PHF13: variants seen among roughly 807,000 people sequenced by gnomAD.
The protein encoded by PHF13 is PHD finger protein 13, also known as PHD zinc finger protein PHF5.
Under a neutral mutation model 25.8 loss-of-function variants are expected in PHF13, and 1 was observed. That is an observed-to-expected ratio of 0.04 (90% CI 0.01 to 0.18). The LOEUF (loss-of-function observed/expected upper bound fraction) is 0.18. Ranked by LOEUF, PHF13 falls within the 10% of genes least tolerant of loss-of-function variation. The pLI is 1.00. For synonymous variants in PHF13, 195 were observed against 162.4 expected (o/e 1.20, Z -1.53); for missense variants, 306 against 403.2 (o/e 0.76, Z 2.06).
chr1:6,615,137 G>T (rs1455880964), intron 1 of PHF13, among the ~76,000 whole-genome samples: 2 of 151,402 alleles, frequency 1.3e-5, no homozygotes, highest in Non-Finnish European at 3.0e-5. Context: ...GGCCGGGGGG[G>T]CGGGCGGCGT....
Position 6,621,741 on chromosome 1 carries a change from G to T in PHF13, c.*104G>T, listed in dbSNP as rs1338103310. On this transcript the variant is annotated 3_prime_UTR_variant, in exon 4 of 4. Coordinates refer to ENST00000377648, the MANE Select transcript of PHF13 (RefSeq NM_153812.3). The surrounding 1 kb of genome is among the most constrained non-coding windows in gnomAD (Gnocchi z 4.8). ...AGAACCCTCAGCTCTGGTGCGGGCA[G>T]ATCCCTGCCATTTAGGTGCCTAAGC... 2 of 1,157,140 alleles carry T rather than the reference G, an allele frequency of 1.7e-6. No individual in the cohort carries two copies. Among genetic ancestry groups the T allele is most frequent in the African/African-American group, 1.5e-5 (1 of 65,466 alleles). The allele number at this position is 1,157,140 out of a possible 1,614,324, so 71.7% of individuals were successfully genotyped here.
At chr1:6,614,341 T>G in intron 1 of PHF13, 12 of 476,224 alleles carry the variant, frequency 2.5e-5, no homozygotes, top group Admixed American at 8.7e-5. Flanking sequence ...CCCGCGCCCT[T>G]TCCCCAGGGC....
chr1:6,615,177 A>C (rs1363636117), intron 1 of PHF13, among the ~76,000 whole-genome samples: 1 of 151,452 alleles, frequency 6.6e-6, no homozygotes, highest in East Asian at 2.0e-4. Context: ...TGGAACCCCC[A>C]GTCCCCGCGC....
In PHF13 at chr1:6,621,836, G is replaced by GC. The variant is rs1641344714; in HGVS notation, c.*200dup. ...CCGAATGCGACCTTTGCCAGCCAGA[G>GC]CTGCTGCCAGAGCTGCGTTCCCTGC... On this transcript the variant is annotated 3_prime_UTR_variant, in exon 4 of 4. Transcript: ENST00000377648. The surrounding 1 kb of genome is among the most constrained non-coding windows in gnomAD (Gnocchi z 4.8). 1.6e-6 allele frequency: 1 copy of GC among 622,188 alleles called. No homozygotes were observed. The highest frequency in any genetic ancestry group is 2.8e-5 in the East Asian group (1 of 35,832). 38.5% of individuals were successfully genotyped at this position (622,188 alleles called of 1,614,324 possible). A position where few individuals can be genotyped will look rare whatever the true frequency, so the allele number is the denominator to read the frequency against.
In PHF13 at chr1:6,622,717, T is replaced by A. The variant is rs1232253383; in HGVS notation, c.*1080T>A. On this transcript the variant is annotated 3_prime_UTR_variant, in exon 4 of 4. Coordinates refer to ENST00000377648, the MANE Select transcript of PHF13 (RefSeq NM_153812.3). ...TTTCTGTTTTGAGTTGGTGAGTGAG[T>A]GATAGGGTAACATGGGCCTTCAGGA... is the stretch of plus-strand genomic sequence containing the variant. 5.3e-5 allele frequency: 8 copies of A among 151,712 alleles called. No individual in the cohort carries two copies. Among genetic ancestry groups the A allele is most frequent in the Non-Finnish European group, 1.2e-4 (8 of 67,994 alleles). The allele number at this position is 151,712 out of a possible 1,614,324, so 9.4% of individuals were successfully genotyped here.
At chr1:6,615,764 G>A (rs1338588292) in intron 1 of PHF13, among the ~76,000 whole-genome samples, 1 of 152,206 alleles carries the variant, frequency 6.6e-6, no homozygotes, top group African/African-American at 2.4e-5. Flanking sequence ...TGTGATGGGT[G>A]TTTCTAGATG....
chr1:6,620,303 C>T lies in PHF13; in HGVS notation c.642C>T (p.Ser214=), dbSNP rs1167821453. 6.2e-7 allele frequency: 1 copy of T among 1,613,498 alleles called. No individual in the cohort carries two copies. The highest frequency in any genetic ancestry group is 8.5e-7 in the Non-Finnish European group (1 of 1,179,874). ...GKQVVFRDED[S]TGNDEDIMVD... Reference sequence around the variant, plus strand: ...AGGTGGTGTTCCGAGATGAGGACAGCACTGGCAATGATGAGGACATCATGG... The same window carrying T: ...AGGTGGTGTTCCGAGATGAGGACAGTACTGGCAATGATGAGGACATCATGG... Residue 214 remains serine (S), a synonymous_variant, in exon 3 of 4, where the codon AGC becomes AGT. Transcript: ENST00000377648.
At position 6,614,015 on chromosome 1, in the gene PHF13, C is replaced by G; in HGVS notation, c.-52C>G. ...CCCCCAGCCCCGGGCGGCCCCGCTC[C>G]AGCATCCCAGCTCCTGCACTCTCGC... On this transcript the variant is annotated 5_prime_UTR_variant, in exon 1 of 4. Coordinates refer to ENST00000377648, the MANE Select transcript of PHF13 (RefSeq NM_153812.3). 3 of 1,491,018 alleles carry G rather than the reference C, an allele frequency of 2.0e-6. No homozygotes were observed. The highest frequency in any genetic ancestry group is 2.7e-6 in the Non-Finnish European group (3 of 1,091,898). The allele number at this position is 1,491,018 out of a possible 1,614,324, so 92.4% of individuals were successfully genotyped here.
chr1:6,616,344 A>C (rs1364160614), intron 1 of PHF13, among the ~76,000 whole-genome samples: 1 of 152,124 alleles, frequency 6.6e-6, no homozygotes, highest in Non-Finnish European at 1.5e-5. Flanking sequence ...GATTTTTGAA[A>C]TCACTTAACA....
At position 6,619,735 on chromosome 1, in the gene PHF13, T is replaced by TG. The variant is rs1345599444; in HGVS notation, c.142-64dup. The TG allele has an allele frequency of 6.1e-6, 9 of 1,484,552 alleles. No individual in the cohort carries two copies. In the Admixed American group the frequency reaches 6.5e-5, roughly 11 times the overall value. The allele number at this position is 1,484,552 out of a possible 1,614,324, so 92.0% of individuals were successfully genotyped here. ...TGGAGGTCTGACATGGCTGGGTGGCTGGGGATGCTCTGCTCTGGGCTGGAT... is the reference window on the plus strand; with the variant it reads ...TGGAGGTCTGACATGGCTGGGTGGCTGGGGGATGCTCTGCTCTGGGCTGGAT... On this transcript the variant is annotated intron_variant, in intron 2 of 3. Coordinates refer to ENST00000377648, the MANE Select transcript of PHF13 (RefSeq NM_153812.3).
chr1:6,617,808 A>G (rs1344170742), intron 2 of PHF13, among the ~76,000 whole-genome samples: 5 of 152,190 alleles, frequency 3.3e-5, no homozygotes, highest in African/African-American at 1.2e-4. Flanking sequence ...ATGTAATGCT[A>G]TGAGGTAGGT....
At chr1:6,614,155 C>T (rs767213382) in intron 1 of PHF13, 50 bp downstream of exon 1, 60 of 1,571,476 alleles carry the variant, frequency 3.8e-5, no homozygotes, top group Non-Finnish European at 4.6e-5. Context: ...CCTCCGCGAT[C>T]CTGCCGTCCT....
At chr1:6,620,710 GC>G in intron 3 of PHF13, among the ~76,000 whole-genome samples, 1 of 152,040 alleles carries the variant, frequency 6.6e-6, no homozygotes, top group Middle Eastern at 3.4e-3. Context: ...GCATGGCAAA[GC>G]CCTGTCACTG....
At chr1:6,614,236 C>T (rs1474014282) in intron 1 of PHF13, 131 bp downstream of exon 1, 1 of 702,726 alleles carries the variant, frequency 1.4e-6, no homozygotes, top group Non-Finnish European at 2.4e-6. Flanking sequence ...GTCGGCCCCC[C>T]CGGGAGCCCA....
chr1:6,618,722 C>T (rs1258437196), intron 2 of PHF13, among the ~76,000 whole-genome samples: 1 of 152,132 alleles, frequency 6.6e-6, no homozygotes, highest in Non-Finnish European at 1.5e-5. Flanking sequence ...CAGCTCACTG[C>T]AACTTCTGCC....
In PHF13 at chr1:6,621,604, G is replaced by T; in HGVS notation, c.870G>T (p.Ser290=). 6.2e-7 allele frequency: 1 copy of T among 1,614,198 alleles called. No individual in the cohort carries two copies. Among genetic ancestry groups the T allele is most frequent in the Non-Finnish European group, 8.5e-7 (1 of 1,180,034 alleles). Residue 290 remains serine (S), a synonymous_variant, in exon 4 of 4, where the codon TCG becomes TCT. Coordinates refer to ENST00000377648, the MANE Select transcript of PHF13 (RefSeq NM_153812.3). The surrounding 1 kb of genome is among the most constrained non-coding windows in gnomAD (Gnocchi z 4.8). Reference sequence around the variant, plus strand: ...TTGACATCCGCCGTTCCAACCGCTCGCGGACGGGCTCCCGGAAGCTGTTCC... The same window carrying T: ...TTGACATCCGCCGTTCCAACCGCTCTCGGACGGGCTCCCGGAAGCTGTTCC... ...SKFDIRRSNR[S]RTGSRKLFLD
intron 1 of PHF13, among the ~76,000 whole-genome samples, chr1:6,615,724 C>G (rs946284453): frequency 6.6e-6 from 1 of 152,216 alleles, no homozygotes; most frequent in Non-Finnish European, 1.5e-5. Flanking sequence ...CTCCATCTCT[C>G]CGTGCTTCTC....
intron 2 of PHF13, among the ~76,000 whole-genome samples, chr1:6,619,511 G>A (rs1477494950): frequency 1.3e-5 from 2 of 152,032 alleles, no homozygotes; most frequent in South Asian, 4.2e-4. Context: ...GCTAATTTTT[G>A]TATTTTTAGT....
At chr1:6,614,903 C>A (rs1429578140) in intron 1 of PHF13, among the ~76,000 whole-genome samples, 3 of 149,938 alleles carry the variant, frequency 2.0e-5, no homozygotes, top group East Asian at 4.0e-4. Context: ...CGACCGCGGG[C>A]GGGTGGGGGA....
Sources: gnomAD v4.1 joint callset for allele counts (sites outside exome capture counted in the v4.1 genomes callset) on GRCh38, gnomAD v4.1.1 for gene constraint, Gnocchi (gnomAD v3.1) non-coding constraint, MANE v1.5 for transcripts, NCBI Gene and HGNC (gene_info 2026-07-23, HGNC 2026-07-21) for gene names.